The following ANAPC16 variants were observed in gnomAD, a reference collection of about 807,000 sequenced individuals.
The protein encoded by ANAPC16 is anaphase promoting complex subunit 16.
ANAPC16 carries 6 observed loss-of-function variants against 13.1 expected under a neutral mutation model. The ratio of observed to expected loss-of-function variants is 0.46; its 90% confidence interval spans 0.25 to 0.90. The LOEUF is 0.90. Ranked by LOEUF, ANAPC16 falls within the 40% of genes least tolerant of loss-of-function variation. The pLI is 0.18. For missense variants in ANAPC16, 113 were observed against 131.1 expected (o/e 0.86, Z 0.67); for synonymous variants, 55 against 51.3 (o/e 1.07, Z -0.31).
chr10:72,219,101 ATTAGAGTTT>A (rs1859795071), intron 1 of ANAPC16, among the ~76,000 whole-genome samples: 1 of 152,188 alleles, frequency 6.6e-6, no homozygotes, highest in African/African-American at 2.4e-5. Context: ...GGTAAAATAG[ATTAGAGTTT>A]TAAATCTTAG....
chr10:72,221,537 TTTTTC>T (rs1294418004), intron 1 of ANAPC16, among the ~76,000 whole-genome samples: 3 of 149,792 alleles, frequency 2.0e-5, no homozygotes, highest in Non-Finnish European at 4.4e-5. Context: ...ACTAGACCAT[TTTTTC>T]TTTTCTTTTT....
rs1860409971 is a variant in ANAPC16, at chr10:72,234,266, C to T, written c.*1150C>T. 6.6e-6 allele frequency: 1 copy of T among 152,256 alleles called. No individual in the cohort carries two copies. Among genetic ancestry groups the T allele is most frequent in the African/African-American group, 2.4e-5 (1 of 41,448 alleles). The allele number at this position is 152,256 out of a possible 1,614,324, so 9.4% of individuals were successfully genotyped here. A position where few individuals can be genotyped will look rare whatever the true frequency, so the allele number is the denominator to read the frequency against. ...CAGGTGATCCACCTGCCTCAGCCTCCCAAATTGCTGGGATTACAGGCGTGA... is the reference window on the plus strand; with the variant it reads ...CAGGTGATCCACCTGCCTCAGCCTCTCAAATTGCTGGGATTACAGGCGTGA... On this transcript the variant is annotated 3_prime_UTR_variant, in exon 4 of 4. Transcript: ENST00000299381.
At chr10:72,216,633 C>G (rs1859401655) in intron 1 of ANAPC16, among the ~76,000 whole-genome samples, 1 of 151,940 alleles carries the variant, frequency 6.6e-6, no homozygotes, top group South Asian at 2.1e-4. Context: ...AGGAATTACT[C>G]TTTTTAAGAA....
chr10:72,217,084 C>T, intron 1 of ANAPC16: 1 of 454,050 alleles, frequency 2.2e-6, no homozygotes, highest in Non-Finnish European at 4.4e-6. Context: ...GGACTGGAAG[C>T]ACAGTGGAAA....
At position 72,224,179 on chromosome 10, in the gene ANAPC16, G is replaced by C. The variant is rs967960855; in HGVS notation, c.142+123G>C. 5 of 1,116,738 alleles carry C rather than the reference G, an allele frequency of 4.5e-6. No individual in the cohort carries two copies. In the African/African-American group the frequency reaches 8.0e-5, roughly 18 times the overall value. 69.2% of individuals were successfully genotyped at this position (1,116,738 alleles called of 1,614,324 possible). The stretch of plus-strand genomic sequence containing the variant: ...ATTTCAGCTCCACATTTCATTTCTT[G>C]TCCCCATCTCAAAATAGTATCTTTA... On this transcript the variant is annotated intron_variant, in intron 2 of 3. Coordinates refer to ENST00000299381, the MANE Select transcript of ANAPC16 (RefSeq NM_173473.4).
intron 3 of ANAPC16, among the ~76,000 whole-genome samples, chr10:72,231,038 T>C (rs945397024): frequency 3.3e-5 from 5 of 152,196 alleles, no homozygotes; most frequent in Admixed American, 6.6e-5. Flanking sequence ...TCCTGGTCTG[T>C]CTATACTCTA....
At chr10:72,224,659 T>C (rs912772337) in intron 2 of ANAPC16, among the ~76,000 whole-genome samples, 2 of 151,636 alleles carry the variant, frequency 1.3e-5, no homozygotes, top group African/African-American at 4.8e-5. Context: ...AGGAATTCTC[T>C]TGACCTCCTA....
chr10:72,217,045 G>T (rs1325350059), intron 1 of ANAPC16: 4 of 454,128 alleles, frequency 8.8e-6, no homozygotes, highest in Non-Finnish European at 1.8e-5. Flanking sequence ...TCTGTCGTTT[G>T]TTCATCATTC....
chr10:72,222,602 C>A (rs1296333701), intron 1 of ANAPC16, among the ~76,000 whole-genome samples: 1 of 151,782 alleles, frequency 6.6e-6, no homozygotes, highest in Non-Finnish European at 1.5e-5. Context: ...CGTGGTGAAA[C>A]CCCGTGCCTA....
rs894286833 is a variant in ANAPC16 at position 72,216,023 on chromosome 10, G to A, written c.-143G>A. ...GCACGGGCGCGCGCACGCCGCCTTC[G>A]CCGCTGGCTCCGTCTGTTGGGGGGC... On this transcript the variant is annotated 5_prime_UTR_variant, in exon 1 of 4. Coordinates refer to ENST00000299381, the MANE Select transcript of ANAPC16 (RefSeq NM_173473.4). The A allele has an allele frequency of 6.6e-6, 1 of 152,308 alleles. No homozygotes were observed. The highest frequency in any genetic ancestry group is 2.4e-5 in the African/African-American group (1 of 41,440). The allele number at this position is 152,308 out of a possible 1,614,324, so 9.4% of individuals were successfully genotyped here.
chr10:72,232,276 G>C lies in ANAPC16; in HGVS notation c.218-725G>C, dbSNP rs188639113. 1.8e-4 allele frequency among the ~76,000 whole-genome samples: 27 copies of C among 151,322 alleles called. No homozygotes were observed. In the East Asian group the frequency reaches 4.9e-3, roughly 27 times the overall value. Reference sequence around the variant, plus strand: ...GAGAATTTTGAGGGTCGGGCACAGTGGCTCACGTCTGTAATCCCAGCACTT... The same window carrying C: ...GAGAATTTTGAGGGTCGGGCACAGTCGCTCACGTCTGTAATCCCAGCACTT... On this transcript the variant is annotated intron_variant, in intron 3 of 3. Transcript: ENST00000299381.
At chr10:72,225,456 C>G (rs935046373) in intron 2 of ANAPC16, among the ~76,000 whole-genome samples, 16 of 151,836 alleles carry the variant, frequency 1.1e-4, no homozygotes, top group African/African-American at 3.9e-4. Flanking sequence ...GTGGCTCAAA[C>G]CTAAAATTTC....
chr10:72,220,325 C>CAAAAAAAAAAAAAAAAAAAAAA (rs75738117), intron 1 of ANAPC16: 2 of 63,716 alleles, frequency 3.1e-5, no homozygotes, highest in African/African-American at 1.1e-4. Flanking sequence ...AACTCCGTCT[C>CAAAAAAAAAAAAAAAAAAAAAA]AAAAAAAAAA....
rs775365092 is a variant in ANAPC16 at position 72,233,160 on chromosome 10, C to T, written c.*44C>T. 1.3e-6 allele frequency: 2 copies of T among 1,496,210 alleles called. No individual in the cohort carries two copies. The highest frequency in any genetic ancestry group is 2.3e-5 in the South Asian group (2 of 88,366). The allele number at this position is 1,496,210 out of a possible 1,614,324, so 92.7% of individuals were successfully genotyped here. A position where few individuals can be genotyped will look rare whatever the true frequency, so the allele number is the denominator to read the frequency against. On this transcript the variant is annotated 3_prime_UTR_variant, in exon 4 of 4. Transcript: ENST00000299381. ...CTCTGGTGCGCAGCAAGTGCAAAGCCAGTGGGGGACTTTCTCACAGCTTAC... is the reference window on the plus strand; with the variant it reads ...CTCTGGTGCGCAGCAAGTGCAAAGCTAGTGGGGGACTTTCTCACAGCTTAC...
intron 1 of ANAPC16, among the ~76,000 whole-genome samples, chr10:72,218,561 T>C (rs1371850999): frequency 6.6e-6 from 1 of 152,168 alleles, no homozygotes; most frequent in Non-Finnish European, 1.5e-5. Flanking sequence ...AGATGACCTT[T>C]AAGGAATCTG....
chr10:72,224,480 G>C (rs1860054396), intron 2 of ANAPC16, among the ~76,000 whole-genome samples: 1 of 152,092 alleles, frequency 6.6e-6, no homozygotes, highest in Admixed American at 6.6e-5. Flanking sequence ...GGGCATGGTG[G>C]TAGGCGCCTG....
At position 72,222,201 on chromosome 10, in the gene ANAPC16, C is replaced by T. The variant is rs551184921; in HGVS notation, c.-27-1687C>T. The stretch of plus-strand genomic sequence containing the variant: ...TTGGGAGGCCGAGGCAGGCAGATCA[C>T]GAGGTCAAGAGATGGAGACCATCCT... On this transcript the variant is annotated intron_variant, in intron 1 of 3. Transcript: ENST00000299381. Among the ~76,000 whole-genome samples, 35 of 149,600 alleles carry T rather than the reference C, an allele frequency of 2.3e-4. 1 individual carries two copies. The East Asian group carries it at 5.8e-3, about 25-fold the overall frequency.
intron 1 of ANAPC16, among the ~76,000 whole-genome samples, chr10:72,221,626 C>T (rs1161210119): frequency 7.0e-6 from 1 of 142,434 alleles, no homozygotes. Context: ...GATCTCAGCT[C>T]ACTGCAACCT....
chr10:72,216,478 CCG>C (rs1222593207), intron 1 of ANAPC16, among the ~76,000 whole-genome samples: 30 of 23,308 alleles, frequency 1.3e-3, no homozygotes, highest in Non-Finnish European at 2.0e-3. Flanking sequence ...CGCCCCGTTC[CCG>C]CCCCCCCCCC....
Sources: gnomAD v4.1 joint callset for allele counts (sites outside exome capture counted in the v4.1 genomes callset) on GRCh38, gnomAD v4.1.1 for gene constraint, MANE v1.5 for transcripts, NCBI Gene and HGNC (gene_info 2026-07-23, HGNC 2026-07-21) for gene names.